CDK17: variants seen among roughly 807,000 people sequenced by gnomAD.
CDK17 encodes the protein cyclin dependent kinase 17.
CDK17 carries 24 observed loss-of-function variants against 77.6 expected under a neutral mutation model. The ratio of observed to expected loss-of-function variants is 0.31; its 90% CI spans 0.22 to 0.44. The LOEUF is 0.44. CDK17 is among the 20% of genes least tolerant of loss of function. The pLI, the probability that CDK17 is intolerant of heterozygous loss-of-function variation, is 1.00. For missense variants in CDK17, 429 were observed against 622.5 expected (o/e 0.69, Z 3.31); for synonymous variants, 203 against 210.4 (o/e 0.96, Z 0.30).
At chr12:96,289,074 T>C (rs1952283106) in intron 11 of CDK17, 93 bp downstream of exon 11, 3 of 1,320,428 alleles carry the variant, frequency 2.3e-6, no homozygotes, top group South Asian at 2.6e-5. Flanking sequence ...TAAAATAATA[T>C]CTCCTTAAAA....
rs142644156 is a variant in CDK17, at chr12:96,311,011, G to T, written c.543+41C>A. ...TACACCCAGAAGCAGCAAACAAGCA[G>T]ATCTGATTGATGGTGGAGGTATAGG... On this transcript the variant is annotated intron_variant, in intron 5 of 16. Transcript: ENST00000261211. 2.3e-4 allele frequency: 359 copies of T among 1,563,078 alleles called. 6 individuals carry two copies. In the East Asian group the frequency reaches 8.5e-3, roughly 37 times the overall value.
At chr12:96,322,399 T>C (rs1249521200) in intron 3 of CDK17, among the ~76,000 whole-genome samples, 1 of 152,196 alleles carries the variant, frequency 6.6e-6, no homozygotes, top group Non-Finnish European at 1.5e-5. Flanking sequence ...AAAATGTTTT[T>C]TGTATTTTTA....
In CDK17 at chr12:96,400,004, C is replaced by T. The variant is rs1367524954; in HGVS notation, c.-48G>A. 1 of 383,530 alleles carries T rather than the reference C, an allele frequency of 2.6e-6. No homozygotes were observed. The highest frequency in any genetic ancestry group is 1.4e-4 in the South Asian group (1 of 6,904). 23.8% of individuals were successfully genotyped at this position (383,530 alleles called of 1,614,324 possible). A position where few individuals can be genotyped will look rare whatever the true frequency, so the allele number is the denominator to read the frequency against. ...AACTCACCAGCAAGAGCGGGGACCGCGGGTCCCGAGGCGAGGCGAAGAGAG... is the reference window on the plus strand; with the variant it reads ...AACTCACCAGCAAGAGCGGGGACCGTGGGTCCCGAGGCGAGGCGAAGAGAG... On this transcript the variant is annotated 5_prime_UTR_variant, in exon 1 of 17. Transcript: ENST00000261211.
chr12:96,317,405 C>G (rs1409070414), intron 3 of CDK17, among the ~76,000 whole-genome samples: 2 of 110,536 alleles, frequency 1.8e-5, no homozygotes, highest in East Asian at 5.6e-4. Flanking sequence ...CTTCCCCAAT[C>G]TAGCAAGGCA....
At chr12:96,317,015 C>T (rs183685989) in intron 3 of CDK17, among the ~76,000 whole-genome samples, 1,495 of 141,090 alleles carry the variant, frequency 0.011, 8 homozygotes, top group Non-Finnish European at 0.016. Flanking sequence ...CTCTGAGCTA[C>T]GGGAGGACAT....
At chr12:96,303,690 A>T (rs1952538612) in intron 5 of CDK17, among the ~76,000 whole-genome samples, 1 of 151,646 alleles carries the variant, frequency 6.6e-6, no homozygotes, top group Admixed American at 6.6e-5. Flanking sequence ...TATATATATA[A>T]ATTAAATTAT....
chr12:96,362,502 A>G (rs1413399078), intron 1 of CDK17, among the ~76,000 whole-genome samples: 1 of 152,168 alleles, frequency 6.6e-6, no homozygotes, highest in Non-Finnish European at 1.5e-5. Flanking sequence ...TACAGGTATG[A>G]GCCACCATGC....
intron 1 of CDK17, among the ~76,000 whole-genome samples, chr12:96,345,352 G>T (rs1323000819): frequency 6.6e-6 from 1 of 152,200 alleles, no homozygotes; most frequent in African/African-American, 2.4e-5. Context: ...CCAGTAATGG[G>T]ATTGCTGGTC....
intron 1 of CDK17, among the ~76,000 whole-genome samples, chr12:96,337,883 G>A (rs1953067851): frequency 6.6e-6 from 1 of 152,274 alleles, no homozygotes; most frequent in East Asian, 1.9e-4. Context: ...TGCACATTCT[G>A]AAAAAAGCAC....
At chr12:96,348,238 CAG>C in intron 1 of CDK17, among the ~76,000 whole-genome samples, 1 of 151,982 alleles carries the variant, frequency 6.6e-6, no homozygotes, top group African/African-American at 2.4e-5. Flanking sequence ...AAAAACAAAA[CAG>C]AAAGTTGGTT....
At chr12:96,286,194 A>T in intron 12 of CDK17, 46 bp from the exon 13 acceptor site, 2 of 476,980 alleles carry the variant, frequency 4.2e-6, no homozygotes, top group Non-Finnish European at 6.4e-6. Flanking sequence ...TATATATAAA[A>T]TTTATATATA....
At chr12:96,296,336 G>A (rs1952405229) in intron 9 of CDK17, among the ~76,000 whole-genome samples, 1 of 152,112 alleles carries the variant, frequency 6.6e-6, no homozygotes, top group Non-Finnish European at 1.5e-5. Context: ...AACAAAAGAT[G>A]TAAAATAAGA....
At chr12:96,354,653 G>A (rs1385618962) in intron 1 of CDK17, among the ~76,000 whole-genome samples, 3 of 152,142 alleles carry the variant, frequency 2.0e-5, no homozygotes, top group Non-Finnish European at 4.4e-5. Context: ...GCTGAGGCGG[G>A]AGAGCTGTTT....
chr12:96,363,572 G>T (rs1334246113), intron 1 of CDK17, among the ~76,000 whole-genome samples: 1 of 152,092 alleles, frequency 6.6e-6, no homozygotes, highest in Non-Finnish European at 1.5e-5. Flanking sequence ...GTTGGGCCAG[G>T]TGTGGTGGCT....
chr12:96,361,011 G>A (rs1415055724), intron 1 of CDK17, among the ~76,000 whole-genome samples: 1 of 152,226 alleles, frequency 6.6e-6, no homozygotes, highest in African/African-American at 2.4e-5. Flanking sequence ...CAATACCAGA[G>A]CTGAGAGGAA....
intron 1 of CDK17, 94 bp from the exon 2 acceptor site, chr12:96,334,959 G>A (rs1196354318): frequency 1.4e-6 from 1 of 691,480 alleles, no homozygotes; most frequent in African/African-American, 1.8e-5. Context: ...TTTAAAATAG[G>A]AATATAATGA....
In CDK17 at chr12:96,397,670, C is replaced by G. The variant is rs1485800601; in HGVS notation, c.-30+2316G>C. On this transcript the variant is annotated intron_variant, in intron 1 of 16. Transcript: ENST00000261211. The stretch of plus-strand genomic sequence containing the variant: ...TTAATCACCAATAAATCCCACCATT[C>G]GTAAACCTTGCTACTTTTTGGTAGA... Among the ~76,000 whole-genome samples the G allele has an allele frequency of 2.6e-5, 4 of 152,144 alleles. No homozygotes were observed. In the East Asian group the frequency reaches 7.7e-4, roughly 29 times the overall value.
chr12:96,291,365 C>A (rs151268100), intron 10 of CDK17, among the ~76,000 whole-genome samples: 3 of 152,138 alleles, frequency 2.0e-5, no homozygotes, highest in African/African-American at 7.2e-5. Flanking sequence ...GATCATGACT[C>A]GCTGAAGCCT....
chr12:96,299,388 AT>A (rs35168599), intron 6 of CDK17, among the ~76,000 whole-genome samples: 31,776 of 132,504 alleles, frequency 0.24, 3,155 homozygotes, highest in Middle Eastern at 0.31. Flanking sequence ...TAAATGATAA[AT>A]TTTTTTTTTT....
Sources: allele counts gnomAD v4.1 joint callset (sites outside exome capture counted in the v4.1 genomes callset), GRCh38; gene constraint gnomAD v4.1.1; transcripts MANE v1.5; gene names NCBI Gene and HGNC (gene_info 2026-07-23, HGNC 2026-07-21).